The following SYT1 variants were observed in gnomAD, a reference collection of about 807,000 sequenced individuals.
The protein encoded by SYT1 is synaptotagmin 1.
Under a neutral mutation model 44.8 loss-of-function variants are expected in SYT1, and 8 were observed. The ratio of observed to expected loss-of-function variants is 0.18; its 90% CI spans 0.10 to 0.32. The LOEUF is 0.32. SYT1 is among the 10% of genes least tolerant of loss of function. The probability of loss-of-function intolerance (pLI) is 1.00; values close to 1 mark genes in which losing one functional copy is unlikely to be tolerated. For synonymous variants in SYT1, 154 were observed against 188.8 expected (o/e 0.82, Z 1.51); for missense variants, 286 against 509.3 (o/e 0.56, Z 4.22).
intron 2 of SYT1, among the ~76,000 whole-genome samples, chr12:79,033,759 G>A (rs1288539346): frequency 6.6e-6 from 1 of 151,372 alleles, no homozygotes; most frequent in Non-Finnish European, 1.5e-5. Flanking sequence ...TAGAATTAAA[G>A]AAATGCTGTC....
chr12:79,427,605 G>T (rs1869526034), intron 9 of SYT1, among the ~76,000 whole-genome samples: 1 of 152,164 alleles, frequency 6.6e-6, no homozygotes, highest in African/African-American at 2.4e-5. Flanking sequence ...CATTTTATAA[G>T]AATTATGAAA....
At chr12:79,099,606 C>T (rs971946884) in intron 3 of SYT1, among the ~76,000 whole-genome samples, 11 of 151,832 alleles carry the variant, frequency 7.2e-5, no homozygotes, top group African/African-American at 2.7e-4. Context: ...CCTTAAATAG[C>T]TTGTCATTTC....
chr12:79,152,580 A>G (rs879325042), intron 3 of SYT1, among the ~76,000 whole-genome samples: 68 of 152,270 alleles, frequency 4.5e-4, no homozygotes, highest in Admixed American at 7.2e-4. Context: ...TTCCTCATAT[A>G]ATCTCATATT....
intron 1 of SYT1, among the ~76,000 whole-genome samples, chr12:78,866,558 C>T (rs1592505146): frequency 6.6e-6 from 1 of 152,278 alleles, no homozygotes; most frequent in East Asian, 1.9e-4. Flanking sequence ...TCAGCAGTCT[C>T]TAATTCCATC....
intron 3 of SYT1, among the ~76,000 whole-genome samples, chr12:79,157,103 G>A (rs1479737783): frequency 1.3e-5 from 2 of 152,134 alleles, no homozygotes; most frequent in Non-Finnish European, 2.9e-5. Context: ...CTGATCCTGG[G>A]TCTGGGTCAC....
intron 9 of SYT1, among the ~76,000 whole-genome samples, chr12:79,367,098 T>A (rs1056791724): frequency 6.6e-6 from 1 of 152,152 alleles, no homozygotes; most frequent in South Asian, 2.1e-4. Context: ...AGACCAGTAG[T>A]ATATTTCTAC....
intron 2 of SYT1, among the ~76,000 whole-genome samples, chr12:79,039,730 T>C (rs1873398728): frequency 3.3e-5 from 5 of 150,620 alleles, no homozygotes; most frequent in Admixed American, 2.6e-4. Flanking sequence ...CACTAACTGG[T>C]CATCTAGCAT....
chr12:79,106,648 A>G (rs1416151979), intron 3 of SYT1, among the ~76,000 whole-genome samples: 2 of 151,882 alleles, frequency 1.3e-5, no homozygotes, highest in East Asian at 3.9e-4. Context: ...TAACTTCCTA[A>G]GGAAAGTGTG....
chr12:79,330,136 T>C (rs1881790766), intron 8 of SYT1, among the ~76,000 whole-genome samples: 1 of 152,184 alleles, frequency 6.6e-6, no homozygotes, highest in African/African-American at 2.4e-5. Flanking sequence ...TGGACATGAT[T>C]CTGCTCCTCT....
chr12:79,274,476 G>T (rs1481716169), intron 4 of SYT1, among the ~76,000 whole-genome samples: 1 of 152,148 alleles, frequency 6.6e-6, no homozygotes, highest in Admixed American at 6.5e-5. Flanking sequence ...CAGCAGAAAT[G>T]GTTCCACTCC....
intron 9 of SYT1, among the ~76,000 whole-genome samples, chr12:79,404,671 G>A (rs1005258638): frequency 1.3e-5 from 2 of 152,166 alleles, no homozygotes; most frequent in Admixed American, 1.3e-4. Context: ...GCGTAGCGTA[G>A]GTTTCAGCAC....
At chr12:79,238,657 A>C (rs1876329056) in intron 4 of SYT1, among the ~76,000 whole-genome samples, 1 of 152,234 alleles carries the variant, frequency 6.6e-6, no homozygotes, top group South Asian at 2.1e-4. Context: ...GAAAATAAAT[A>C]GGTTTTCATT....
chr12:79,361,284 T>C (rs934505553), intron 9 of SYT1, among the ~76,000 whole-genome samples: 1 of 152,170 alleles, frequency 6.6e-6, no homozygotes, highest in Non-Finnish European at 1.5e-5. Flanking sequence ...TTATTGATGA[T>C]GGAACTGAAG....
In SYT1 at chr12:79,270,368, G is replaced by A. The variant is rs1878355932; in HGVS notation, c.167-15419G>A. Among the ~76,000 whole-genome samples the A allele has an allele frequency of 2.0e-5, 3 of 152,134 alleles. No homozygotes were observed. The South Asian group carries it at 6.2e-4, about 31-fold the overall frequency. Reference sequence around the variant, plus strand: ...TAGTGCAGTGGTGAAGCATTCATAAGACAAAATAGAGATATGTTGAAGGTA... The same window carrying A: ...TAGTGCAGTGGTGAAGCATTCATAAAACAAAATAGAGATATGTTGAAGGTA... On this transcript the variant is annotated intron_variant, in intron 4 of 10. Coordinates refer to ENST00000261205, the MANE Select transcript of SYT1 (RefSeq NM_005639.3).
intron 1 of SYT1, among the ~76,000 whole-genome samples, chr12:78,902,213 C>T (rs542204865): frequency 6.8e-6 from 1 of 147,578 alleles, no homozygotes; most frequent in East Asian, 2.0e-4. Flanking sequence ...TATATATATA[C>T]TTTAATACTG....
chr12:79,353,379 G>A (rs12313608), intron 8 of SYT1, 123 bp from the exon 9 acceptor site: 19,880 of 721,936 alleles, frequency 0.028, 407 homozygotes, highest in Middle Eastern at 0.062. Context: ...AATGCCAATG[G>A]ACCTACAATT....
intron 3 of SYT1, among the ~76,000 whole-genome samples, chr12:79,050,072 A>G (rs780250503): frequency 1.6e-4 from 25 of 152,028 alleles, no homozygotes; most frequent in Non-Finnish European, 3.1e-4. Flanking sequence ...AACTCCTCCA[A>G]AACTTAACTA....
At chr12:79,107,322 T>G (rs1878771950) in intron 3 of SYT1, among the ~76,000 whole-genome samples, 1 of 151,980 alleles carries the variant, frequency 6.6e-6, no homozygotes, top group Admixed American at 6.6e-5. Context: ...AGTGTAATGG[T>G]TATCTATTAT....
At chr12:78,902,186 T>A (rs1208636687) in intron 1 of SYT1, among the ~76,000 whole-genome samples, 1 of 134,854 alleles carries the variant, frequency 7.4e-6, no homozygotes, top group Non-Finnish European at 1.5e-5. Flanking sequence ...TAAAGTATAA[T>A]AATAAATATG....
Sources: allele counts gnomAD v4.1 joint callset (sites outside exome capture counted in the v4.1 genomes callset), GRCh38; gene constraint gnomAD v4.1.1; transcripts MANE v1.5; gene names NCBI Gene and HGNC (gene_info 2026-07-23, HGNC 2026-07-21).